CNTNAP4: variants seen among roughly 807,000 people sequenced by gnomAD.
CNTNAP4 encodes contactin-associated protein-like 4.
A neutral mutation model predicts 148.4 loss-of-function variants in CNTNAP4; 98 were observed. That is an observed-to-expected ratio of 0.66 (90% CI 0.56 to 0.78). The LOEUF (loss-of-function observed/expected upper bound fraction) is 0.78, where lower values mean the gene tolerates loss of function less well. Among genes scored for constraint, CNTNAP4 ranks in the 30% least tolerant of loss-of-function variants. The pLI, the probability that CNTNAP4 is intolerant of heterozygous loss-of-function variation, is 0.00. For missense variants in CNTNAP4, 1,935 were observed against 1,565.6 expected (o/e 1.24, Z -3.98); for synonymous variants, 730 against 565.1 (o/e 1.29, Z -4.14).
At chr16:76,282,703 A>G (rs967457778) in intron 1 of CNTNAP4, among the ~76,000 whole-genome samples, 2 of 151,954 alleles carry the variant, frequency 1.3e-5, no homozygotes, top group African/African-American at 4.8e-5. Context: ...CTTGTCAATA[A>G]TAAATTTCTG....
Position 76,553,421 on chromosome 16 carries a change from C to A in CNTNAP4, c.3581C>A (p.Thr1194Lys). ...AGCCACCCAGACCCTGTCACTGTTA[C>A]AGGACACGTGACTGAGTCCAGCTGT... Reference protein sequence around the residue: ...HPSHPDPVTVTGHVTESSCMA... With the variant: ...HPSHPDPVTVKGHVTESSCMA... Residue 1194 changes from threonine to lysine, a missense_variant, in exon 22 of 24, where the codon ACA (threonine) becomes AAA (lysine). By Grantham distance (78) the Thr-to-Lys change is moderately conservative. Transcript: ENST00000611870. 6.2e-7 allele frequency: 1 copy of A among 1,612,640 alleles called. No homozygotes were observed. Among genetic ancestry groups the A allele is most frequent in the South Asian group, 1.1e-5 (1 of 90,676 alleles).
intron 3 of CNTNAP4, among the ~76,000 whole-genome samples, chr16:76,408,416 C>CAATTAA (rs1568042044): frequency 3.0e-5 from 4 of 133,534 alleles, no homozygotes; most frequent in African/African-American, 1.6e-4. Flanking sequence ...CAATTAACAA[C>CAATTAA]CACCACCCAC....
chr16:76,461,870 T>C, intron 8 of CNTNAP4, 86 bp from the exon 9 acceptor site: 4 of 1,101,556 alleles, frequency 3.6e-6, no homozygotes, highest in Non-Finnish European at 5.4e-6. Context: ...TGTAGCCAAT[T>C]GAGTGATGTG....
intron 3 of CNTNAP4, among the ~76,000 whole-genome samples, chr16:76,414,810 C>G (rs1441102854): frequency 1.3e-5 from 2 of 151,298 alleles, no homozygotes; most frequent in Non-Finnish European, 3.0e-5. Context: ...TTCGAAATAT[C>G]ATTATCACTC....
intron 2 of CNTNAP4, among the ~76,000 whole-genome samples, chr16:76,342,898 C>CAAA (rs1285420061): frequency 6.6e-6 from 1 of 152,110 alleles, no homozygotes; most frequent in Non-Finnish European, 1.5e-5. Flanking sequence ...ATAGATTCTC[C>CAAA]ATTTTGCTTA....
intron 12 of CNTNAP4, among the ~76,000 whole-genome samples, chr16:76,487,758 T>G (rs528005311): frequency 9.8e-5 from 15 of 152,350 alleles, no homozygotes; most frequent in Admixed American, 6.5e-4. Flanking sequence ...GGGACTATCA[T>G]AATATTGAAA....
At chr16:76,372,514 A>G (rs1362850704) in intron 3 of CNTNAP4, among the ~76,000 whole-genome samples, 2 of 152,102 alleles carry the variant, frequency 1.3e-5, no homozygotes, top group Admixed American at 6.6e-5. Context: ...GAGGGACCCA[A>G]TGTGAGATAA....
intron 3 of CNTNAP4, among the ~76,000 whole-genome samples, chr16:76,426,843 G>A (rs985227035): frequency 9.9e-5 from 15 of 152,082 alleles, no homozygotes; most frequent in African/African-American, 3.6e-4. Context: ...TTAATTACAG[G>A]TCTTTCCAAA....
rs199715709 is a variant in CNTNAP4 at position 76,285,159 on chromosome 16, G to GT, written c.85+7420dup. 5.6e-3 allele frequency among the ~76,000 whole-genome samples: 842 copies of GT among 151,646 alleles called. 5 individuals are homozygous for GT. Among genetic ancestry groups the GT allele is most frequent in the African/African-American group, 0.019 (783 of 41,366 alleles). Reference sequence around the variant, plus strand: ...GAAGAGGAAGTGGATATGCTTGGGTGTTTTTTTTCCCCTCCTTCCAGTGAA... The same window carrying GT: ...GAAGAGGAAGTGGATATGCTTGGGTGTTTTTTTTTCCCCTCCTTCCAGTGAA... On this transcript the variant is annotated intron_variant, in intron 1 of 23. Transcript: ENST00000611870.
chr16:76,524,774 A>G (rs2083641095), intron 17 of CNTNAP4, among the ~76,000 whole-genome samples: 1 of 152,162 alleles, frequency 6.6e-6, no homozygotes, highest in African/African-American at 2.4e-5. Flanking sequence ...AATGTTGTAT[A>G]AAAAATAACT....
chr16:76,535,863 C>T, intron 18 of CNTNAP4, 79 bp downstream of exon 18: 1 of 1,442,760 alleles, frequency 6.9e-7, no homozygotes, highest in Admixed American at 2.4e-5. Flanking sequence ...TTCTATGCAG[C>T]TATTTGAAAC....
intron 3 of CNTNAP4, among the ~76,000 whole-genome samples, chr16:76,360,327 G>T (rs116134306): frequency 1.3e-5 from 2 of 152,044 alleles, no homozygotes; most frequent in Non-Finnish European, 2.9e-5. Flanking sequence ...AGCCAGACAG[G>T]GTAGAAACAC....
chr16:76,321,128 C>G (rs1485273663), intron 2 of CNTNAP4, among the ~76,000 whole-genome samples: 1 of 152,172 alleles, frequency 6.6e-6, no homozygotes, highest in South Asian at 2.1e-4. Flanking sequence ...TTTTAAACCA[C>G]AACTACACCC....
intron 15 of CNTNAP4, among the ~76,000 whole-genome samples, chr16:76,518,212 C>T (rs1050824404): frequency 6.6e-6 from 1 of 152,148 alleles, no homozygotes; most frequent in African/African-American, 2.4e-5. Context: ...ACTGCAACCT[C>T]AGCCTCCCAG....
chr16:76,533,609 TATTA>T (rs1397460350), intron 17 of CNTNAP4, among the ~76,000 whole-genome samples: 2 of 152,080 alleles, frequency 1.3e-5, no homozygotes, highest in Admixed American at 6.6e-5. Flanking sequence ...ATTATGTGTC[TATTA>T]ATTTTTACAA....
At chr16:76,415,798 C>A (rs1027190083) in intron 3 of CNTNAP4, among the ~76,000 whole-genome samples, 1 of 151,186 alleles carries the variant, frequency 6.6e-6, no homozygotes, top group African/African-American at 2.4e-5. Flanking sequence ...TAAATGAAAT[C>A]ATCTTGTGTT....
chr16:76,452,594 C>T lies in CNTNAP4; in HGVS notation c.1158C>T (p.Phe386=). ...GGAGTTATTTAGCACTGCCAGACTTCTCTGGAGAGGAGGAGGTTTCTGCCA... is the reference window on the plus strand; with the variant it reads ...GGAGTTATTTAGCACTGCCAGACTTTTCTGGAGAGGAGGAGGTTTCTGCCA... ...SSRSYLALPD[F]SGEEEVSATF... is the part of the protein sequence containing the mutation. Residue 386 remains phenylalanine (F), a synonymous_variant, in exon 8 of 24, where the codon TTC becomes TTT. Transcript: ENST00000611870. The T allele has an allele frequency of 6.2e-7, 1 of 1,614,002 alleles. No individual in the cohort carries two copies.
chr16:76,545,461 C>T (rs989028669), intron 21 of CNTNAP4, among the ~76,000 whole-genome samples: 1 of 152,126 alleles, frequency 6.6e-6, no homozygotes, highest in East Asian at 1.9e-4. Flanking sequence ...TTGTCATAAG[C>T]ACGTATAGTC....
chr16:76,338,574 C>T (rs762268087), intron 2 of CNTNAP4, among the ~76,000 whole-genome samples: 2 of 152,190 alleles, frequency 1.3e-5, no homozygotes, highest in Non-Finnish European at 2.9e-5. Context: ...GTGCTCTCCA[C>T]ACCCTGAACT....
Sources: allele counts gnomAD v4.1 joint callset (sites outside exome capture counted in the v4.1 genomes callset), GRCh38; gene constraint gnomAD v4.1.1; transcripts MANE v1.5; gene names NCBI Gene and HGNC (gene_info 2026-07-23, HGNC 2026-07-21).